The following SLC35B4 variants were observed in gnomAD, a reference collection of about 807,000 sequenced individuals.
SLC35B4 encodes the protein solute carrier family 35 member B4, also known as nucleotide sugar transporter SLC35B4.
A neutral mutation model predicts 39.5 loss-of-function variants in SLC35B4; 28 were observed. The ratio of observed to expected loss-of-function variants is 0.71; its 90% CI spans 0.53 to 0.97. The LOEUF (loss-of-function observed/expected upper bound fraction) is 0.97. Among genes scored for constraint, SLC35B4 ranks in the 50% least tolerant of loss-of-function variants. The pLI is 0.00. For missense variants in SLC35B4, 334 were observed against 414.3 expected (o/e 0.81, Z 1.68); for synonymous variants, 145 against 150.4 (o/e 0.96, Z 0.26).
Position 134,316,914 on chromosome 7 carries a change from A to C in SLC35B4, c.-163T>G. 1 of 636,148 alleles carries C rather than the reference A, an allele frequency of 1.6e-6. No homozygotes were observed. Among genetic ancestry groups the C allele is most frequent in the Non-Finnish European group, 2.7e-6 (1 of 370,818 alleles). The allele number at this position is 636,148 out of a possible 1,614,324, so 39.4% of individuals were successfully genotyped here. On this transcript the variant is annotated 5_prime_UTR_variant, in exon 1 of 10. Coordinates refer to ENST00000378509, the MANE Select transcript of SLC35B4 (RefSeq NM_032826.5). ...GCGGTCTCCCCTTCTCCCGCGGCCA[A>C]CACCGACGCTGCCAAGAAGCTGTAG... is the stretch of plus-strand genomic sequence containing the variant.
At chr7:134,308,234 G>A (rs1803754793) in intron 2 of SLC35B4, among the ~76,000 whole-genome samples, 1 of 152,258 alleles carries the variant, frequency 6.6e-6, no homozygotes, top group East Asian at 1.9e-4. Context: ...ATGATAAAAC[G>A]ATATTAAGTG....
At chr7:134,304,737 T>C (rs886484872) in intron 4 of SLC35B4, 68 bp downstream of exon 4, 25 of 1,245,966 alleles carry the variant, frequency 2.0e-5, no homozygotes, top group Non-Finnish European at 2.8e-5. Context: ...GGAATCCAGG[T>C]GACTAGCTTA....
chr7:134,317,000 T>C (rs1203305687), upstream of SLC35B4: 1 of 525,132 alleles, frequency 1.9e-6, no homozygotes, highest in South Asian at 2.3e-5. Flanking sequence ...CCAGACTACA[T>C]GTCCCAGGAT....
rs887340088 is a variant in SLC35B4, at chr7:134,315,831, G to A, written c.77+844C>T. 3.3e-5 allele frequency among the ~76,000 whole-genome samples: 5 copies of A among 152,290 alleles called. No individual in the cohort carries two copies. The East Asian group carries it at 5.8e-4, about 18-fold the overall frequency. Reference sequence around the variant, plus strand: ...TTGAAGGGCTACACAGCCAGTGGACGACGGAGCCAAGAGTGAAATTCACAA... The same window carrying A: ...TTGAAGGGCTACACAGCCAGTGGACAACGGAGCCAAGAGTGAAATTCACAA... On this transcript the variant is annotated intron_variant, in intron 1 of 9. Coordinates refer to ENST00000378509, the MANE Select transcript of SLC35B4 (RefSeq NM_032826.5).
chr7:134,314,136 G>A lies in SLC35B4; in HGVS notation c.77+2539C>T, dbSNP rs976095766. On this transcript the variant is annotated intron_variant, in intron 1 of 9. Transcript: ENST00000378509. ...ATTTTATAAAATTAGATTTGTCCACGACTTTGTAGGACCATAAATATATAA... is the reference window on the plus strand; with the variant it reads ...ATTTTATAAAATTAGATTTGTCCACAACTTTGTAGGACCATAAATATATAA... Among the ~76,000 whole-genome samples, 7 of 152,118 alleles carry A rather than the reference G, an allele frequency of 4.6e-5. No homozygotes were observed. In the East Asian group the frequency reaches 1.2e-3, roughly 25 times the overall value.
upstream of SLC35B4, among the ~76,000 whole-genome samples, chr7:134,317,720 CA>C (rs1295155483): frequency 6.7e-6 from 1 of 149,826 alleles, no homozygotes; most frequent in Non-Finnish European, 1.5e-5. Flanking sequence ...ATAGCACTTA[CA>C]ATCTGAGCCA....
rs73443128 is a variant in SLC35B4 at position 134,294,567 on chromosome 7, A to G, written c.*266T>C. ...ATTCAGAAAACAAGAATAATACTGA[A>G]TATGTCGGTAAACAAAACAGAAATA... On this transcript the variant is annotated 3_prime_UTR_variant, in exon 10 of 10. Coordinates refer to ENST00000378509, the MANE Select transcript of SLC35B4 (RefSeq NM_032826.5). The G allele has an allele frequency of 9.7e-3, 3,623 of 375,316 alleles. 140 individuals are homozygous for G. The highest frequency in any genetic ancestry group is 0.068 in the African/African-American group (3,391 of 49,644). 23.2% of individuals were successfully genotyped at this position (375,316 alleles called of 1,614,324 possible).
rs185443654 is a variant in SLC35B4, at chr7:134,290,103, A to C, written c.*4730T>G. 63 of 152,296 alleles carry C rather than the reference A, an allele frequency of 4.1e-4. No individual in the cohort carries two copies. Among genetic ancestry groups the C allele is most frequent in the African/African-American group, 1.5e-3 (61 of 41,568 alleles). 9.4% of individuals were successfully genotyped at this position (152,296 alleles called of 1,614,324 possible). A position where few individuals can be genotyped will look rare whatever the true frequency, so the allele number is the denominator to read the frequency against. On this transcript the variant is annotated 3_prime_UTR_variant, in exon 10 of 10. Transcript: ENST00000378509. ...CAAGCAGCCTACTTCAAAAACTTTT[A>C]AGAATCTTTAATGTTCTATTAGGGA...
intron 8 of SLC35B4, 42 bp downstream of exon 8, chr7:134,299,481 C>T (rs1563215061): frequency 6.7e-7 from 1 of 1,503,408 alleles, no homozygotes; most frequent in Non-Finnish European, 9.2e-7. Context: ...GACTCTGCCT[C>T]AGAAACTGTC....
Position 134,300,202 on chromosome 7 carries a change from T to G in SLC35B4, c.547A>C (p.Thr183Pro). 6.2e-7 allele frequency: 1 copy of G among 1,613,174 alleles called. No homozygotes were observed. Among genetic ancestry groups the G allele is most frequent in the Non-Finnish European group, 8.5e-7 (1 of 1,179,806 alleles). The change falls in exon 7 of 10, where the codon ACT becomes CCT. Residue 183 changes from threonine to proline, a missense_variant. Transcript: ENST00000378509. Reference protein sequence around the residue: ...MSARMGIFQETLYKRFGKHSK... With the variant: ...MSARMGIFQEPLYKRFGKHSK... ...TGTTTCCCAAATCGTTTGTAGAGAG[T>G]CTCTTGGAATATCCCCATCCTTGCT...
rs149963861 is a variant in SLC35B4, at chr7:134,305,733, C to T, written c.295-879G>A. Among the ~76,000 whole-genome samples, 799 of 152,268 alleles carry T rather than the reference C, an allele frequency of 5.2e-3. 10 individuals carry two copies. The highest frequency in any genetic ancestry group is 0.018 in the African/African-American group (738 of 41,562). On this transcript the variant is annotated intron_variant, in intron 3 of 9. Coordinates refer to ENST00000378509, the MANE Select transcript of SLC35B4 (RefSeq NM_032826.5). ...TTGCCCAGGCTGGAGTGCAATGTTG[C>T]GATCTTGGCTCACCACAACCTCTGC...
In SLC35B4 at chr7:134,296,381, C is replaced by T. The variant is rs1328245904; in HGVS notation, c.749+10G>A. On this transcript the variant is annotated intron_variant, in intron 9 of 9. Coordinates refer to ENST00000378509, the MANE Select transcript of SLC35B4 (RefSeq NM_032826.5). The stretch of plus-strand genomic sequence containing the variant: ...ATGACATAAGGGTGACGGCACAGTC[C>T]AAAGGATACTGAGTGATGATGTTCA... The T allele has an allele frequency of 6.2e-7, 1 of 1,612,192 alleles. No homozygotes were observed. The highest frequency in any genetic ancestry group is 8.5e-7 in the Non-Finnish European group (1 of 1,178,538).
chr7:134,309,302 CA>C, intron 2 of SLC35B4, 63 bp downstream of exon 2: 1 of 831,132 alleles, frequency 1.2e-6, no homozygotes, highest in South Asian at 2.1e-5. Context: ...TCCTTTTATA[CA>C]GGTACCACCT....
chr7:134,320,218 AG>A (rs1239206043), upstream of SLC35B4, among the ~76,000 whole-genome samples: 1 of 152,166 alleles, frequency 6.6e-6, no homozygotes, highest in African/African-American at 2.4e-5. Flanking sequence ...GTTCTCATGC[AG>A]TTGCAGTCAG....
intron 1 of SLC35B4, among the ~76,000 whole-genome samples, chr7:134,315,651 A>C (rs1273752229): frequency 6.6e-6 from 1 of 150,910 alleles, no homozygotes; most frequent in East Asian, 1.9e-4. Context: ...CCAAAAAAAA[A>C]ACAAAAAACA....
At chr7:134,309,828 A>G (rs1483700282) in intron 1 of SLC35B4, among the ~76,000 whole-genome samples, 1 of 152,178 alleles carries the variant, frequency 6.6e-6, no homozygotes, top group Non-Finnish European at 1.5e-5. Context: ...AAAGGTCTTT[A>G]ATCAGGATCC....
rs537031785 is a variant in SLC35B4, at chr7:134,304,820, A to G, written c.329T>C (p.Ile110Thr). The change falls in exon 4 of 10, where the codon ATC (isoleucine) becomes ACC (threonine). Residue 110 changes from isoleucine (I) to threonine (T), a missense_variant. Ile to Thr is a moderately conservative substitution (Grantham distance 89). Coordinates refer to ENST00000378509, the MANE Select transcript of SLC35B4 (RefSeq NM_032826.5). ...TATTGTTTACCTTTTCTTCAAAATG[A>G]TAATTCCTAGAATCATGTTGGCAAT... Reference protein sequence around the residue: ...SLIANMILGIIILKKRYSIFK... With the variant: ...SLIANMILGITILKKRYSIFK... 40 of 1,611,976 alleles carry G rather than the reference A, an allele frequency of 2.5e-5. No individual in the cohort carries two copies. The highest frequency in any genetic ancestry group is 3.2e-5 in the Non-Finnish European group (38 of 1,178,164).
chr7:134,314,487 C>T (rs1803923784), intron 1 of SLC35B4, among the ~76,000 whole-genome samples: 2 of 152,188 alleles, frequency 1.3e-5, no homozygotes, highest in African/African-American at 4.8e-5. Context: ...TACCATTATT[C>T]CCTGACTTTC....
In SLC35B4 at chr7:134,289,948, A is replaced by G. The variant is rs1803297430; in HGVS notation, c.*4885T>C. 1 of 152,166 alleles carries G rather than the reference A, an allele frequency of 6.6e-6. No homozygotes were observed. The highest frequency in any genetic ancestry group is 2.1e-4 in the South Asian group (1 of 4,828). 9.4% of individuals were successfully genotyped at this position (152,166 alleles called of 1,614,324 possible). A position where few individuals can be genotyped will look rare whatever the true frequency, so the allele number is the denominator to read the frequency against. On this transcript the variant is annotated 3_prime_UTR_variant, in exon 10 of 10. Transcript: ENST00000378509. ...AGGACGGTTACCAATTTAAGTAGGT[A>G]AGGCTCAGGGGAGGTGTCTCAGTAT...
Sources: gnomAD v4.1 joint callset for allele counts (sites outside exome capture counted in the v4.1 genomes callset) on GRCh38, gnomAD v4.1.1 for gene constraint, MANE v1.5 for transcripts, NCBI Gene and HGNC (gene_info 2026-07-23, HGNC 2026-07-21) for gene names.